Variants in NEK1 observed in about 807,000 individuals in gnomAD.
The protein encoded by NEK1 is serine/threonine-protein kinase Nek1.
A neutral mutation model predicts 182.1 loss-of-function variants in NEK1; 137 were observed. The ratio of observed to expected loss-of-function variants is 0.75; its 90% CI spans 0.65 to 0.87. The LOEUF is 0.87. Among genes scored for constraint, NEK1 ranks in the 40% least tolerant of loss-of-function variants. The pLI is 0.00. For synonymous variants in NEK1, 513 were observed against 492.2 expected (o/e 1.04, Z -0.56); for missense variants, 1,391 against 1,494.4 (o/e 0.93, Z 1.14).
intron 27 of NEK1, among the ~76,000 whole-genome samples, chr4:169,447,615 C>T (rs1003204501): frequency 6.6e-6 from 1 of 151,982 alleles, no homozygotes; most frequent in East Asian, 1.9e-4. Context: ...GCCTGTAATC[C>T]CAGCATTTTG....
chr4:169,438,587 G>A (rs1370963873), intron 27 of NEK1, among the ~76,000 whole-genome samples: 1 of 152,012 alleles, frequency 6.6e-6, no homozygotes, highest in East Asian at 1.9e-4. Flanking sequence ...ACTTCTAATT[G>A]CTCTGAAATT....
chr4:169,456,600 G>T (rs1462541726), intron 27 of NEK1, among the ~76,000 whole-genome samples: 2 of 152,162 alleles, frequency 1.3e-5, no homozygotes, highest in African/African-American at 4.8e-5. Flanking sequence ...TCAATAGATT[G>T]GAAAACTTAG....
At chr4:169,506,832 A>G (rs761022570) in intron 23 of NEK1, 31,453 of 302,990 alleles carry the variant, frequency 0.1, 1,846 homozygotes, top group East Asian at 0.15. Context: ...AATCTCCCAA[A>G]TAACTTCCAC....
At position 169,569,637 on chromosome 4, in the gene NEK1, G is replaced by A. The variant is rs564754184; in HGVS notation, c.1020+7291C>T. Among the ~76,000 whole-genome samples, 48 of 152,178 alleles carry A rather than the reference G, an allele frequency of 3.2e-4. No homozygotes were observed. In the South Asian group the frequency reaches 5.4e-3, roughly 17 times the overall value. ...CTGCCGAGTGCCTGCGATTGCAGGC[G>A]CGCGCCACCACGCCTGACTGGTTTT... is the stretch of plus-strand genomic sequence containing the variant. On this transcript the variant is annotated intron_variant, in intron 12 of 35. Transcript: ENST00000507142.
At chr4:169,499,719 T>C (rs185595929) in intron 23 of NEK1, among the ~76,000 whole-genome samples, 10,874 of 152,194 alleles carry the variant, frequency 0.071, 1,272 homozygotes, top group African/African-American at 0.25. Flanking sequence ...ACAGTGGATA[T>C]TGGTGAACAG....
At chr4:169,423,574 T>C (rs1338520322) in intron 31 of NEK1, among the ~76,000 whole-genome samples, 2 of 152,178 alleles carry the variant, frequency 1.3e-5, no homozygotes, top group Non-Finnish European at 2.9e-5. Flanking sequence ...AAGTAAATAA[T>C]AATAGTGGGT....
At chr4:169,489,803 G>A (rs1029291370) in intron 23 of NEK1, among the ~76,000 whole-genome samples, 1 of 152,054 alleles carries the variant, frequency 6.6e-6, no homozygotes, top group Non-Finnish European at 1.5e-5. Context: ...TGACTCTCAG[G>A]ATCAGAGTCA....
chr4:169,460,038 T>G (rs950484888), intron 27 of NEK1, among the ~76,000 whole-genome samples: 3 of 152,122 alleles, frequency 2.0e-5, no homozygotes, highest in Non-Finnish European at 2.9e-5. Context: ...GTGATAATGA[T>G]GTGTCAACAT....
intron 27 of NEK1, among the ~76,000 whole-genome samples, chr4:169,444,746 C>A (rs553109722): frequency 3.9e-5 from 6 of 152,248 alleles, no homozygotes; most frequent in Admixed American, 3.9e-4. Context: ...CACTTTAGAC[C>A]AAATGGACGT....
chr4:169,589,100 A>G (rs1162284188), intron 7 of NEK1, among the ~76,000 whole-genome samples: 2 of 152,140 alleles, frequency 1.3e-5, no homozygotes, highest in Non-Finnish European at 2.9e-5. Context: ...TATCTTTTAT[A>G]TTGTATCTTT....
At chr4:169,588,580 A>T in intron 8 of NEK1, 69 bp downstream of exon 8, 1 of 839,558 alleles carries the variant, frequency 1.2e-6, no homozygotes, top group Non-Finnish European at 1.9e-6. Flanking sequence ...AGTATTCCAA[A>T]GGTTAATAAA....
chr4:169,575,148 GAAGTA>G (rs1265698031), intron 12 of NEK1, among the ~76,000 whole-genome samples: 8 of 152,282 alleles, frequency 5.3e-5, no homozygotes, highest in African/African-American at 1.7e-4. Context: ...TGTGGTGACT[GAAGTA>G]AAGAGAGATA....
rs1174975320 is a variant in NEK1, at chr4:169,515,496, ACTT to A, written c.1666-6647_1666-6645del. On this transcript the variant is annotated intron_variant, in intron 19 of 35. Transcript: ENST00000507142. ...TGTATACATATTTAGGATTGCAATA[ACTT>A]CTTTTTTTTTTTTTTATTATACTCT... Among the ~76,000 whole-genome samples the A allele has an allele frequency of 1.2e-3, 162 of 134,570 alleles. 1 individual carries two copies. The highest frequency in any genetic ancestry group is 2.6e-3 in the East Asian group (13 of 4,936). 88.3% of individuals were successfully genotyped at this position (134,570 alleles called of 152,430 possible).
At position 169,587,580 on chromosome 4, in the gene NEK1, C is replaced by T; in HGVS notation, c.585G>A (p.Glu195=). ...TTACAGCATGTTTAAGTGTACACAGCTCATAAAGGACACACCCCAGAGCCC... is the reference window on the plus strand; with the variant it reads ...TTACAGCATGTTTAAGTGTACACAGTTCATAAAGGACACACCCCAGAGCCC... ...DIWALGCVLY[E]LCTLKHAFEA... is the part of the protein sequence containing the mutation. Residue 195 remains glutamate (E), a synonymous_variant, in exon 9 of 36, where the codon GAG becomes GAA. Coordinates refer to ENST00000507142, the MANE Select transcript of NEK1 (RefSeq NM_001199397.3). 6.5e-7 allele frequency: 1 copy of T among 1,549,030 alleles called. No homozygotes were observed. Among genetic ancestry groups the T allele is most frequent in the Non-Finnish European group, 8.7e-7 (1 of 1,143,384 alleles).
At chr4:169,471,120 T>C (rs1745878994) in intron 26 of NEK1, among the ~76,000 whole-genome samples, 1 of 152,234 alleles carries the variant, frequency 6.6e-6, no homozygotes, top group Non-Finnish European at 1.5e-5. Flanking sequence ...AGCCTACTTC[T>C]GTCAATTCAT....
chr4:169,538,722 C>T (rs1458782404), intron 18 of NEK1, among the ~76,000 whole-genome samples: 2 of 151,942 alleles, frequency 1.3e-5, no homozygotes, highest in South Asian at 2.1e-4. Flanking sequence ...AGTTGTTGGC[C>T]GTGTTTCTAC....
intron 31 of NEK1, among the ~76,000 whole-genome samples, chr4:169,412,944 G>C (rs542992370): frequency 1.3e-5 from 2 of 151,892 alleles, no homozygotes; most frequent in Non-Finnish European, 2.9e-5. Flanking sequence ...GGCAAGGAGA[G>C]AGGCAAGGGA....
At chr4:169,523,341 AAT>A (rs995949770) in intron 19 of NEK1, among the ~76,000 whole-genome samples, 2 of 152,196 alleles carry the variant, frequency 1.3e-5, no homozygotes, top group African/African-American at 4.8e-5. Context: ...CACAAGTTAA[AAT>A]GAGGTCATCA....
At chr4:169,589,416 A>T (rs371387075) in intron 7 of NEK1, 31 bp downstream of exon 7, 5 of 1,245,708 alleles carry the variant, frequency 4.0e-6, no homozygotes, top group Admixed American at 2.3e-5. Context: ...TGAAAACATT[A>T]TATCAAAACA....
Sources: gnomAD v4.1 joint callset for allele counts (sites outside exome capture counted in the v4.1 genomes callset) on GRCh38, gnomAD v4.1.1 for gene constraint, MANE v1.5 for transcripts, NCBI Gene and HGNC (gene_info 2026-07-23, HGNC 2026-07-21) for gene names.